The following MPPED2 variants were observed in gnomAD, a reference collection of about 807,000 sequenced individuals.
MPPED2 encodes the protein metallophosphoesterase MPPED2.
In MPPED2, 5 loss-of-function variants were observed where a neutral mutation model predicts 33.0. That is an observed-to-expected ratio of 0.15 (90% CI 0.08 to 0.32). The LOEUF (loss-of-function observed/expected upper bound fraction) is 0.32, where lower values mean the gene tolerates loss of function less well. MPPED2 is among the 10% of genes least tolerant of loss of function. MPPED2 has a pLI of 1.00. For synonymous variants in MPPED2, 136 were observed against 141.9 expected (o/e 0.96, Z 0.29); for missense variants, 275 against 372.1 (o/e 0.74, Z 2.15).
intron 4 of MPPED2, among the ~76,000 whole-genome samples, chr11:30,430,616 A>C (rs1272880583): frequency 1.3e-5 from 2 of 152,242 alleles, no homozygotes. Context: ...AATAATCCAA[A>C]AGTAAGTAAA....
At chr11:30,515,598 A>G (rs913769903) in intron 3 of MPPED2, among the ~76,000 whole-genome samples, 1 of 152,204 alleles carries the variant, frequency 6.6e-6, no homozygotes, top group Non-Finnish European at 1.5e-5. Context: ...TATGCAAAAC[A>G]GCTTCACAAG....
intron 3 of MPPED2, among the ~76,000 whole-genome samples, chr11:30,521,881 G>A (rs1392243049): frequency 6.6e-6 from 1 of 152,184 alleles, no homozygotes; most frequent in Non-Finnish European, 1.5e-5. Context: ...CTGAGTTGCA[G>A]CATCTGGAGC....
chr11:30,572,723 T>A (rs1956758951), intron 2 of MPPED2, among the ~76,000 whole-genome samples: 1 of 152,186 alleles, frequency 6.6e-6, no homozygotes, highest in South Asian at 2.1e-4. Flanking sequence ...CAGACATTCA[T>A]TCATTCATCC....
exon 7 of MPPED2, chr11:30,385,132 T>TA (rs1387379425): frequency 1.3e-5 from 2 of 152,194 alleles, no homozygotes; most frequent in East Asian, 3.9e-4. Context: ...AACGTGTGTG[T>TA]AAGGGACAGG....
At chr11:30,463,626 A>G (rs1164889760) in intron 4 of MPPED2, among the ~76,000 whole-genome samples, 7 of 152,232 alleles carry the variant, frequency 4.6e-5, no homozygotes, top group Non-Finnish European at 8.8e-5. Context: ...GATGGAGCCA[A>G]CCTGTGAGAA....
rs1400804651 is a variant in MPPED2 at position 30,414,218 on chromosome 11, C to T, written c.766+10G>A. On this transcript the variant is annotated intron_variant, in intron 6 of 6. Coordinates refer to ENST00000358117, the MANE Select transcript of MPPED2 (RefSeq NM_001584.3). ...ACAAAATGTTTTGAATTCTTTTCCG[C>T]TGTTCTTACCTTCATGGATTCCACC... 1.1e-5 allele frequency: 17 copies of T among 1,593,092 alleles called. No individual in the cohort carries two copies. Among genetic ancestry groups the T allele is most frequent in the Non-Finnish European group, 1.5e-5 (17 of 1,161,010 alleles).
chr11:30,484,973 C>A (rs749492776), intron 4 of MPPED2, among the ~76,000 whole-genome samples: 2 of 151,906 alleles, frequency 1.3e-5, no homozygotes, highest in South Asian at 4.1e-4. Context: ...ACCATAGAAA[C>A]GAAGCAAACA....
chr11:30,448,447 G>C (rs1218045232), intron 4 of MPPED2, among the ~76,000 whole-genome samples: 1 of 152,098 alleles, frequency 6.6e-6, no homozygotes, highest in East Asian at 1.9e-4. Flanking sequence ...TGAAGCCCAG[G>C]CTTCTGATTG....
chr11:30,585,006 G>A (rs1194455334), intron 1 of MPPED2: 1 of 152,270 alleles, frequency 6.6e-6, no homozygotes, highest in African/African-American at 2.4e-5. Context: ...AGAGGGGGGT[G>A]GTGATGTACT....
intron 4 of MPPED2, among the ~76,000 whole-genome samples, chr11:30,426,355 T>A (rs1181685621): frequency 6.6e-6 from 1 of 152,072 alleles, no homozygotes; most frequent in Non-Finnish European, 1.5e-5. Flanking sequence ...TTTTTACAGC[T>A]GAATGATATG....
intron 4 of MPPED2, among the ~76,000 whole-genome samples, chr11:30,470,783 C>T (rs531787334): frequency 5.1e-4 from 77 of 152,138 alleles, no homozygotes; most frequent in Non-Finnish European, 7.3e-5. Context: ...CATTCTTTAT[C>T]CTAACCCTTA....
intron 4 of MPPED2, among the ~76,000 whole-genome samples, chr11:30,421,090 A>T (rs1223845210): frequency 6.6e-6 from 1 of 152,156 alleles, no homozygotes; most frequent in Non-Finnish European, 1.5e-5. Flanking sequence ...TCTCAAGCAC[A>T]CTCAGGTAGT....
chr11:30,576,362 T>C (rs1193982076), intron 2 of MPPED2, among the ~76,000 whole-genome samples: 3 of 152,088 alleles, frequency 2.0e-5, no homozygotes, highest in Admixed American at 6.5e-5. Flanking sequence ...ATTCAAGGGG[T>C]GTTAACAACA....
At chr11:30,389,089 G>A (rs532462815) in intron 6 of MPPED2, 225 of 1,285,770 alleles carry the variant, frequency 1.7e-4, no homozygotes, top group African/African-American at 3.4e-4. Context: ...CACCTCTCTA[G>A]AGGACCAACT....
intron 2 of MPPED2, among the ~76,000 whole-genome samples, chr11:30,554,467 T>A (rs1955871427): frequency 6.6e-6 from 1 of 152,150 alleles, no homozygotes; most frequent in South Asian, 2.1e-4. Flanking sequence ...ATCCATTAGA[T>A]GTTTGCCACT....
At chr11:30,577,374 G>A (rs570341963) in intron 2 of MPPED2, among the ~76,000 whole-genome samples, 130 of 152,134 alleles carry the variant, frequency 8.5e-4, no homozygotes, top group African/African-American at 3.0e-3. Context: ...ATCTGTCAGG[G>A]GTCTTCAGAA....
rs144904156 is a variant in MPPED2 at position 30,432,977 on chromosome 11, T to C, written c.537-15344A>G. The stretch of plus-strand genomic sequence containing the variant: ...GAAAAAAGCCTCTAATCTTCAGCTT[T>C]TGATACTAGGCACATGTTTCTCCTT... On this transcript the variant is annotated intron_variant, in intron 4 of 6. Transcript: ENST00000358117. Among the ~76,000 whole-genome samples the C allele has an allele frequency of 2.7e-3, 411 of 152,346 alleles. 7 individuals carry two copies. The highest frequency in any genetic ancestry group is 8.9e-3 in the African/African-American group (369 of 41,578).
rs750434918 is a variant in MPPED2, at chr11:30,414,327, C to T, written c.667G>A (p.Val223Ile). The T allele has an allele frequency of 1.2e-6, 2 of 1,613,318 alleles. No individual in the cohort carries two copies. Among genetic ancestry groups the T allele is most frequent in the Non-Finnish European group, 1.7e-6 (2 of 1,179,394 alleles). Residue 223 changes from valine (V) to isoleucine (I), a missense_variant, in exon 6 of 7, where the codon GTT (valine) becomes ATT (isoleucine). Transcript: ENST00000358117. ...CCCACTCTTTGAAGCTCCTTTGGAA[C>T]CCAGTCTCGAAAACCTAAGGGCAAA... is the stretch of plus-strand genomic sequence containing the variant. ...HGPPLGFRDW[V>I]PKELQRVGCV...
Position 30,495,513 on chromosome 11 carries a change from G to T in MPPED2, c.319C>A (p.Pro107Thr). Residue 107 changes from proline to threonine, a missense_variant, in exon 4 of 7, where the codon CCA becomes ACA. Coordinates refer to ENST00000358117, the MANE Select transcript of MPPED2 (RefSeq NM_001584.3). ...KKFNDWLGNL[P>T]YEYKIVIAGN... The stretch of plus-strand genomic sequence containing the variant: ...GCAATCACTATTTTATATTCATATG[G>T]CAGGTTTCCTGAAATAAGAAAAAAG... 6.2e-7 allele frequency: 1 copy of T among 1,612,780 alleles called. No homozygotes were observed. The highest frequency in any genetic ancestry group is 1.1e-5 in the South Asian group (1 of 91,014).
Sources: gnomAD v4.1 joint callset for allele counts (sites outside exome capture counted in the v4.1 genomes callset) on GRCh38, gnomAD v4.1.1 for gene constraint, MANE v1.5 for transcripts, NCBI Gene and HGNC (gene_info 2026-07-23, HGNC 2026-07-21) for gene names.